TMEM52B: variants seen among roughly 807,000 people sequenced by gnomAD.
TMEM52B encodes chromosome 12 open reading frame 59.
TMEM52B carries 11 observed loss-of-function variants against 16.1 expected under a neutral mutation model. That is an observed-to-expected ratio of 0.68 (90% confidence interval 0.43 to 1.13). The LOEUF is 1.13. TMEM52B is among the 50% of genes most tolerant of loss of function. The pLI is 0.00. For synonymous variants in TMEM52B, 101 were observed against 93.8 expected (o/e 1.08, Z -0.45); for missense variants, 243 against 230.4 (o/e 1.05, Z -0.35).
At chr12:10,175,484 T>G (rs1029831902), upstream of TMEM52B, 2 of 152,210 alleles carry the variant, frequency 1.3e-5, no homozygotes, top group African/African-American at 4.8e-5. Context: ...CACAGATACT[T>G]TGAAATAATA....
intron 2 of TMEM52B, among the ~76,000 whole-genome samples, chr12:10,183,755 T>C (rs917161081): frequency 2.6e-5 from 4 of 152,232 alleles, no homozygotes; most frequent in African/African-American, 9.6e-5. Context: ...CTTCTACTTT[T>C]TTCCCTCTTC....
intron 1 of TMEM52B, among the ~76,000 whole-genome samples, chr12:10,180,806 GT>G (rs1160708000): frequency 1.3e-5 from 2 of 152,180 alleles, no homozygotes; most frequent in Non-Finnish European, 2.9e-5. Context: ...GTTTGTTGTT[GT>G]TGTTGTTGTT....
chr12:10,183,696 G>A (rs762263241), intron 2 of TMEM52B, among the ~76,000 whole-genome samples: 2 of 151,110 alleles, frequency 1.3e-5, no homozygotes, highest in Non-Finnish European at 2.9e-5. Context: ...ATTTACAATT[G>A]CCATAGTGAA....
At chr12:10,183,844 A>G (rs1009733831) in intron 2 of TMEM52B, among the ~76,000 whole-genome samples, 7 of 152,096 alleles carry the variant, frequency 4.6e-5, no homozygotes, top group African/African-American at 1.7e-4. Flanking sequence ...GGTGGGTGTG[A>G]TATTGTGAGA....
chr12:10,175,073 A>C (rs1948756155), upstream of TMEM52B, among the ~76,000 whole-genome samples: 5 of 152,122 alleles, frequency 3.3e-5, no homozygotes, highest in African/African-American at 1.2e-4. Flanking sequence ...AGATTTGAAA[A>C]ATTTTAGAGG....
chr12:10,181,368 C>T (rs1948820342), intron 1 of TMEM52B, among the ~76,000 whole-genome samples: 1 of 150,962 alleles, frequency 6.6e-6, no homozygotes, highest in South Asian at 2.1e-4. Flanking sequence ...GAGTCTTGCT[C>T]GCCTAGGCTG....
chr12:10,172,189 A>C, intron 1 of TMEM52B: 1 of 707,432 alleles, frequency 1.4e-6, no homozygotes. Flanking sequence ...CTAATAGAAG[A>C]ATGACTCAAT....
chr12:10,178,522 C>CAAA (rs56217145), upstream of TMEM52B, among the ~76,000 whole-genome samples: 1 of 109,768 alleles, frequency 9.1e-6, no homozygotes, highest in East Asian at 3.4e-4. Flanking sequence ...GACTCCGTCT[C>CAAA]AAAAAAAAAA....
Position 10,185,368 on chromosome 12 carries a change from G to C in TMEM52B, c.137G>C (p.Trp46Ser). The change falls in exon 3 of 5, where the codon TGG (tryptophan) becomes TCG (serine). Residue 46 changes from tryptophan to serine, a missense_variant and splice_region_variant. By Grantham distance (177) the Trp-to-Ser change is radical. Coordinates refer to ENST00000543484, the MANE Select transcript of TMEM52B (RefSeq NM_001384896.1). ...GACTGGGTACATCTCTGGTATATAT[G>C]GTAAGTTTCACTTATAATACCCAGA... ...TTDWVHLWYI[W>S]LLVVIGALLL... The C allele has an allele frequency of 6.2e-7, 1 of 1,606,846 alleles. No homozygotes were observed. The highest frequency in any genetic ancestry group is 1.1e-5 in the South Asian group (1 of 90,956).
At chr12:10,187,104 T>TTG (rs1948889348) in intron 4 of TMEM52B, among the ~76,000 whole-genome samples, 2 of 138,960 alleles carry the variant, frequency 1.4e-5, no homozygotes, top group African/African-American at 5.5e-5. Context: ...TGACGGTTTT[T>TTG]TTTTTTTTTT....
chr12:10,189,854 G>A, intron 4 of TMEM52B, 42 bp from the exon 5 acceptor site: 1 of 1,605,322 alleles, frequency 6.2e-7, no homozygotes, highest in Non-Finnish European at 8.5e-7. Context: ...AGGGTGTCCT[G>A]TTTCCCTTAG....
At chr12:10,185,001 C>T (rs890972783) in intron 2 of TMEM52B, among the ~76,000 whole-genome samples, 1 of 152,116 alleles carries the variant, frequency 6.6e-6, no homozygotes, top group Non-Finnish European at 1.5e-5. Context: ...CATGAGGCAC[C>T]GCACCTGGCC....
upstream of TMEM52B, among the ~76,000 whole-genome samples, chr12:10,175,000 T>G (rs1241201146): frequency 6.6e-6 from 1 of 152,214 alleles, no homozygotes; most frequent in East Asian, 1.9e-4. Context: ...ACGTTTGGGT[T>G]TATCCTGTTT....
upstream of TMEM52B, among the ~76,000 whole-genome samples, chr12:10,174,170 C>G (rs1379798472): frequency 6.6e-6 from 1 of 152,132 alleles, no homozygotes; most frequent in African/African-American, 2.4e-5. Flanking sequence ...AAGCAATTCT[C>G]CTGCCTCAGC....
chr12:10,184,835 A>G (rs1020888658), intron 2 of TMEM52B, among the ~76,000 whole-genome samples: 2 of 144,056 alleles, frequency 1.4e-5, no homozygotes, highest in Non-Finnish European at 3.0e-5. Flanking sequence ...GTTCTTTCTT[A>G]GTATTTTTTT....
chr12:10,186,268 C>A (rs754416950), intron 3 of TMEM52B, 152 bp from the exon 4 acceptor site: 110 of 447,440 alleles, frequency 2.5e-4, no homozygotes, highest in Non-Finnish European at 3.3e-4. Flanking sequence ...AAAGCAAAAG[C>A]CTTGAAATTA....
intron 4 of TMEM52B, among the ~76,000 whole-genome samples, chr12:10,188,537 GA>G (rs577118421): frequency 1.1e-3 from 55 of 49,096 alleles, no homozygotes; most frequent in Admixed American, 2.3e-3. Flanking sequence ...AGGAAGGAAG[GA>G]AAAGAAGAAA....
intron 2 of TMEM52B, among the ~76,000 whole-genome samples, chr12:10,184,327 C>T (rs1168771359): frequency 6.6e-6 from 1 of 152,198 alleles, no homozygotes; most frequent in Non-Finnish European, 1.5e-5. Context: ...GTGAGCTGCT[C>T]TAACAAATTA....
chr12:10,170,981 C>T (rs1316489678), intron 1 of TMEM52B: 11 of 151,994 alleles, frequency 7.2e-5, no homozygotes, highest in Admixed American at 2.0e-4. Context: ...CAGTAGGTAC[C>T]GATCTAACCA....
Sources: allele counts gnomAD v4.1 joint callset (sites outside exome capture counted in the v4.1 genomes callset), GRCh38; gene constraint gnomAD v4.1.1; transcripts MANE v1.5; gene names NCBI Gene and HGNC (gene_info 2026-07-23, HGNC 2026-07-21).